The following LY75 variants were observed in gnomAD, a reference collection of about 807,000 sequenced individuals.
LY75 encodes lymphocyte antigen 75.
Under a neutral mutation model 231.7 loss-of-function variants are expected in LY75, and 185 were observed. That is an observed-to-expected ratio of 0.80 (90% CI 0.71 to 0.90). The LOEUF (loss-of-function observed/expected upper bound fraction) is 0.90. Ranked by LOEUF, LY75 falls within the 40% of genes least tolerant of loss-of-function variation. The pLI is 0.00. For missense variants in LY75, 1,947 were observed against 2,050.2 expected (o/e 0.95, Z 0.97); for synonymous variants, 668 against 689.0 (o/e 0.97, Z 0.48).
chr2:159,888,277 A>T lies in LY75; in HGVS notation c.803-1747T>A, dbSNP rs971285554. Among the ~76,000 whole-genome samples the T allele has an allele frequency of 3.3e-5, 5 of 152,186 alleles. 1 individual carries two copies. The highest frequency in any genetic ancestry group is 7.4e-5 in the Non-Finnish European group (5 of 68,010). On this transcript the variant is annotated intron_variant, in intron 4 of 34. Transcript: ENST00000263636. The stretch of plus-strand genomic sequence containing the variant: ...TCCTGTAGTCCTAGCTACTTGGAAG[A>T]CTGAGGTGGGAAGATCGCTTGAGCC...
At chr2:159,813,769 C>A (rs1035523910) in intron 31 of LY75, 1 of 152,214 alleles carries the variant, frequency 6.6e-6, no homozygotes, top group Non-Finnish European at 1.5e-5. Context: ...TCTGACTGGA[C>A]GGGAATCTTT....
At chr2:159,813,381 G>A (rs10048669) in intron 31 of LY75, among the ~76,000 whole-genome samples, 5,586 of 145,664 alleles carry the variant, frequency 0.038, 334 homozygotes, top group African/African-American at 0.13. Flanking sequence ...CCTTGTATTC[G>A]TTTCCTTGGG....
intron 5 of LY75, among the ~76,000 whole-genome samples, chr2:159,885,819 T>C (rs1685566774): frequency 6.6e-6 from 1 of 152,220 alleles, no homozygotes; most frequent in Non-Finnish European, 1.5e-5. Context: ...AGCTTTATAC[T>C]GAAATTAGTG....
intron 13 of LY75, among the ~76,000 whole-genome samples, chr2:159,871,325 G>C (rs1430070098): frequency 1.3e-5 from 2 of 152,084 alleles, no homozygotes; most frequent in African/African-American, 4.8e-5. Flanking sequence ...AGCAAGTGAA[G>C]TGGGGTCAAG....
In LY75 at chr2:159,869,215, G is replaced by A. The variant is rs867822596; in HGVS notation, c.2117+3236C>T. The stretch of plus-strand genomic sequence containing the variant: ...CCTAATGTAAATGACGAGCTAATGG[G>A]TGCAGCAAACCAACATGGCACATGT... On this transcript the variant is annotated intron_variant, in intron 13 of 34. Transcript: ENST00000263636. 3.6e-4 allele frequency among the ~76,000 whole-genome samples: 55 copies of A among 151,984 alleles called. 2 individuals carry two copies. The Middle Eastern group carries it at 0.024, about 66-fold the overall frequency.
chr2:159,839,409 G>A (rs1048715859), intron 25 of LY75, among the ~76,000 whole-genome samples: 4 of 152,116 alleles, frequency 2.6e-5, no homozygotes, highest in Non-Finnish European at 4.4e-5. Context: ...TGCTACATGT[G>A]CAGAGGTTAG....
intron 15 of LY75, among the ~76,000 whole-genome samples, chr2:159,858,844 T>G (rs999551962): frequency 2.6e-5 from 4 of 152,190 alleles, no homozygotes; most frequent in African/African-American, 9.7e-5. Context: ...CCTTCTCTGG[T>G]GTTACCATGC....
intron 19 of LY75, 67 bp downstream of exon 19, chr2:159,853,563 T>C: frequency 1.2e-6 from 2 of 1,603,740 alleles, no homozygotes; most frequent in Non-Finnish European, 1.7e-6. Context: ...TAGAAATCCA[T>C]TTAGTAAAAG....
intron 9 of LY75, among the ~76,000 whole-genome samples, chr2:159,879,046 T>A (rs746109903): frequency 6.6e-6 from 1 of 152,202 alleles, no homozygotes; most frequent in Non-Finnish European, 1.5e-5. Flanking sequence ...GGATAGTAAT[T>A]CTACAAATAT....
chr2:159,851,434 C>T (rs1426564448), intron 21 of LY75, among the ~76,000 whole-genome samples: 4 of 152,052 alleles, frequency 2.6e-5, no homozygotes, highest in African/African-American at 9.7e-5. Context: ...CGGGTAACTT[C>T]TAGAAAAGAC....
At chr2:159,861,373 C>G (rs1684694605) in intron 14 of LY75, among the ~76,000 whole-genome samples, 1 of 152,130 alleles carries the variant, frequency 6.6e-6, no homozygotes. Flanking sequence ...AACTATTACA[C>G]TAATATATCC....
Position 159,854,392 on chromosome 2 carries a change from C to T in LY75, c.2563G>A (p.Gly855Arg). ...ATTTTGTTTTTGATGGCTTTTAGTC[C>T]CACAAAAGATGTTATAGTTGCAAGA... ...SFLATITSFV[G>R]LKAIKNKIAN... Residue 855 changes from glycine to arginine, a missense_variant, in exon 18 of 35, where the codon GGA becomes AGA. Gly to Arg is a moderately radical substitution (Grantham distance 125). Coordinates refer to ENST00000263636, the MANE Select transcript of LY75 (RefSeq NM_002349.4). 1.3e-6 allele frequency: 2 copies of T among 1,505,756 alleles called. No individual in the cohort carries two copies. The highest frequency in any genetic ancestry group is 1.4e-5 in the African/African-American group (1 of 72,600). The allele number at this position is 1,505,756 out of a possible 1,614,324, so 93.3% of individuals were successfully genotyped here. A position where few individuals can be genotyped will look rare whatever the true frequency, so the allele number is the denominator to read the frequency against.
chr2:159,809,428 A>C (rs1323008100), intron 32 of LY75, among the ~76,000 whole-genome samples: 1 of 152,222 alleles, frequency 6.6e-6, no homozygotes, highest in Non-Finnish European at 1.5e-5. Flanking sequence ...ATGGACAACC[A>C]TACTACTTTG....
Position 159,850,485 on chromosome 2 carries a change from T to G in LY75, c.2884-18A>C. Reference sequence around the variant, plus strand: ...AGAAAACACTGCAAACAAAGACATATGTGAAGCATGAGATTCCAGACACAG... The same window carrying G: ...AGAAAACACTGCAAACAAAGACATAGGTGAAGCATGAGATTCCAGACACAG... On this transcript the variant is annotated intron_variant, in intron 21 of 34. Transcript: ENST00000263636. 6.2e-7 allele frequency: 1 copy of G among 1,612,752 alleles called. No individual in the cohort carries two copies. Among genetic ancestry groups the G allele is most frequent in the Non-Finnish European group, 8.5e-7 (1 of 1,179,274 alleles).
chr2:159,834,317 G>A, intron 26 of LY75, 106 bp from the exon 27 acceptor site: 1 of 1,419,098 alleles, frequency 7.0e-7, no homozygotes, highest in Non-Finnish European at 9.6e-7. Flanking sequence ...AAGCCGAGAA[G>A]TAATATCCTG....
intron 7 of LY75, 26 bp downstream of exon 7, chr2:159,882,098 C>T (rs1330122908): frequency 6.3e-7 from 1 of 1,599,696 alleles, no homozygotes; most frequent in Non-Finnish European, 8.5e-7. Flanking sequence ...TTAAGCCTCT[C>T]AAATAGGGTA....
chr2:159,853,407 T>C, intron 19 of LY75, 55 bp from the exon 20 acceptor site: 1 of 1,586,752 alleles, frequency 6.3e-7, no homozygotes, highest in Non-Finnish European at 8.6e-7. Flanking sequence ...GTTCCATTTT[T>C]TTCTTTTTAC....
rs1341975112 is a variant in LY75 at position 159,885,045 on chromosome 2, CAGG to C, written c.1054+105_1054+107del. 2.8e-6 allele frequency: 4 copies of C among 1,452,652 alleles called. No homozygotes were observed. The African/African-American group carries it at 4.2e-5, about 15-fold the overall frequency. The allele number at this position is 1,452,652 out of a possible 1,614,324, so 90.0% of individuals were successfully genotyped here. ...AAGTACTTTTCTGTACTGTCAGTAT[CAGG>C]AGAAGGAAAGGTGGAAACGGATGTT... On this transcript the variant is annotated intron_variant, in intron 6 of 34. Transcript: ENST00000263636.
chr2:159,845,903 T>A (rs892547749), intron 23 of LY75, among the ~76,000 whole-genome samples: 4 of 151,816 alleles, frequency 2.6e-5, no homozygotes, highest in Non-Finnish European at 4.4e-5. Flanking sequence ...TATATATGCA[T>A]ACACACACAG....
Sources: gnomAD v4.1 joint callset for allele counts (sites outside exome capture counted in the v4.1 genomes callset) on GRCh38, gnomAD v4.1.1 for gene constraint, MANE v1.5 for transcripts, NCBI Gene and HGNC (gene_info 2026-07-23, HGNC 2026-07-21) for gene names.